The following ERCC6L variants were observed in gnomAD, a reference collection of about 807,000 sequenced individuals.
The protein encoded by ERCC6L is ERCC excision repair 6 like, spindle assembly checkpoint helicase.
In ERCC6L, 7 loss-of-function variants were observed where a neutral mutation model predicts 20.1. That is an observed-to-expected ratio of 0.35 (90% CI 0.20 to 0.65). The LOEUF is 0.65. Among genes scored for constraint, ERCC6L ranks in the 30% least tolerant of loss-of-function variants. ERCC6L has a pLI of 0.69. For missense variants in ERCC6L, 592 were observed against 892.4 expected (o/e 0.66, Z 4.29); for synonymous variants, 278 against 331.3 (o/e 0.84, Z 1.75).
chrX:72,210,192 T>TCC (rs397746756), intron 1 of ERCC6L, among the ~76,000 whole-genome samples: 1 of 94,284 alleles, frequency 1.1e-5, no homozygotes, highest in African/African-American at 4.0e-5. Flanking sequence ...ATAGCGAGAC[T>TCC]GTCTCTTAAA....
At chrX:72,236,678 G>A (rs2043019101) in intron 1 of ERCC6L, among the ~76,000 whole-genome samples, 2 of 111,987 alleles carry the variant, frequency 1.8e-5, no homozygotes, top group Non-Finnish European at 3.8e-5. Context: ...CTCAGTTAAC[G>A]TGGTCAGTAG....
intron 1 of ERCC6L, among the ~76,000 whole-genome samples, chrX:72,219,522 C>T (rs2042909114): frequency 9.2e-6 from 1 of 108,895 alleles, no homozygotes. Flanking sequence ...CCATTGCACT[C>T]CAGCCTGGAC....
chrX:72,215,191 T>C (rs775198293), intron 1 of ERCC6L, among the ~76,000 whole-genome samples: 11 of 111,712 alleles, frequency 9.8e-5, no homozygotes, highest in Admixed American at 8.6e-4. Context: ...AACTAACATA[T>C]GGTGGAAAAC....
Position 72,238,860 on chromosome X carries a change from C to T in ERCC6L, c.52G>A (p.Ala18Thr), listed in dbSNP as rs764754545. The change falls in exon 1 of 2, where the codon GCT becomes ACT. Residue 18 changes from alanine to threonine, a missense_variant. Ala to Thr is a moderately conservative substitution (Grantham distance 58). Around this residue, in one of 3 missense-constraint regions of ERCC6L, gnomAD observed 44 missense variants for 49.8 expected, o/e 0.88. Coordinates refer to ENST00000334463, the MANE Select transcript of ERCC6L (RefSeq NM_017669.4). ...CAGACATACCTTAGGTAATGAGCAG[C>T]CTGCTCTGGGCTCAAGGCCTCGGCT... ...PEAEALSPEQ[A>T]AHYLRYVKEA... The T allele has an allele frequency of 1.7e-6, 2 of 1,193,766 alleles. No individual in the cohort carries two copies. Among genetic ancestry groups the T allele is most frequent in the African/African-American group, 3.5e-5 (2 of 57,155 alleles).
chrX:72,208,836 A>G (rs938871041), intron 1 of ERCC6L, 138 bp from the exon 2 acceptor site: 8 of 506,103 alleles, frequency 1.6e-5, no homozygotes, highest in Non-Finnish European at 2.2e-5. Context: ...ATTAGCACAC[A>G]AGATGCCAAT....
rs762367329 is a variant in ERCC6L at position 72,238,824 on chromosome X, G to A, written c.68+20C>T. Reference sequence around the variant, plus strand: ...TGGGCCAGGTCGGTTAGCTAGACCCGCCCAGCGGTCCAGACATACCTTAGG... The same window carrying A: ...TGGGCCAGGTCGGTTAGCTAGACCCACCCAGCGGTCCAGACATACCTTAGG... On this transcript the variant is annotated intron_variant, in intron 1 of 1. Coordinates refer to ENST00000334463, the MANE Select transcript of ERCC6L (RefSeq NM_017669.4). 6 of 1,175,484 alleles carry A rather than the reference G, an allele frequency of 5.1e-6. 1 individual carries two copies. The Middle Eastern group carries it at 7.0e-4, about 137-fold the overall frequency.
intron 1 of ERCC6L, among the ~76,000 whole-genome samples, chrX:72,232,273 T>TA (rs56070381): frequency 1.1e-3 from 67 of 61,406 alleles, no homozygotes; most frequent in Admixed American, 1.4e-3. Flanking sequence ...GAAGGAGTAT[T>TA]AAAAAAAAAA....
rs1383127586 is a variant in ERCC6L, at chrX:72,205,768, C to T, written c.2999G>A (p.Ser1000Asn). 8.3e-6 allele frequency: 10 copies of T among 1,210,324 alleles called. No individual in the cohort carries two copies. In the Admixed American group the frequency reaches 2.2e-4, roughly 26 times the overall value. ...ATCGTCTTTCTCAGAAAACTCCCAACTGAGACATGTTTTGCTATGCACAAA... is the reference window on the plus strand; with the variant it reads ...ATCGTCTTTCTCAGAAAACTCCCAATTGAGACATGTTTTGCTATGCACAAA... ...AGFVHSKTCL[S>N]WEFSEKDDEP... The change falls in exon 2 of 2, where the codon AGT becomes AAT. Residue 1000 changes from serine to asparagine, a missense_variant. Around this residue, in one of 3 missense-constraint regions of ERCC6L, gnomAD observed 352 missense variants for 402.6 expected, o/e 0.87. Transcript: ENST00000334463.
intron 1 of ERCC6L, among the ~76,000 whole-genome samples, chrX:72,231,937 AGT>A (rs754492672): frequency 1.8e-5 from 2 of 110,913 alleles, no homozygotes; most frequent in Non-Finnish European, 3.8e-5. Context: ...AAACTGGTCA[AGT>A]GCAATGGCTC....
chrX:72,210,249 A>T (rs1198616304), intron 1 of ERCC6L, among the ~76,000 whole-genome samples: 1 of 109,686 alleles, frequency 9.1e-6, no homozygotes, highest in Admixed American at 9.8e-5. Context: ...AAATAAATGG[A>T]AAAAAGATAT....
At chrX:72,218,269 CAA>C (rs762377624) in intron 1 of ERCC6L, among the ~76,000 whole-genome samples, 5 of 61,218 alleles carry the variant, frequency 8.2e-5, no homozygotes, top group Non-Finnish European at 3.2e-5. Flanking sequence ...GACTCTGTCT[CAA>C]AAAAAAAAAA....
intron 1 of ERCC6L, among the ~76,000 whole-genome samples, chrX:72,221,213 GTT>G (rs2042921264): frequency 9.0e-6 from 1 of 111,485 alleles, no homozygotes; most frequent in Non-Finnish European, 1.9e-5. Context: ...TGTGGCTCTG[GTT>G]TAAGGGGCCC....
chrX:72,227,867 C>T (rs1025552123), intron 1 of ERCC6L, among the ~76,000 whole-genome samples: 1 of 112,571 alleles, frequency 8.9e-6, no homozygotes, highest in Non-Finnish European at 1.9e-5. Flanking sequence ...CCTTAAATAT[C>T]GGCCAGCCGT....
At chrX:72,226,823 A>G (rs147098626) in intron 1 of ERCC6L, among the ~76,000 whole-genome samples, 16 of 111,861 alleles carry the variant, frequency 1.4e-4, no homozygotes, top group Non-Finnish European at 2.8e-4. Flanking sequence ...TGCTTTGTAC[A>G]AAACAAATTA....
chrX:72,205,402 C>G lies in ERCC6L; in HGVS notation c.3365G>C (p.Gly1122Ala). The G allele has an allele frequency of 8.3e-7, 1 of 1,211,969 alleles. No individual in the cohort carries two copies. The highest frequency in any genetic ancestry group is 1.1e-6 in the Non-Finnish European group (1 of 895,549). ...ERLDDSSEAK[G>A]PEDYPEEGVE... The stretch of plus-strand genomic sequence containing the variant: ...CCCTTCTTCTGGATAATCTTCAGGA[C>G]CCTTTGCTTCACTGCTGTCGTCAAG... The change falls in exon 2 of 2, where the codon GGT becomes GCT. Residue 1122 changes from glycine (G) to alanine (A), a missense_variant. Around this residue, in one of 3 missense-constraint regions of ERCC6L, gnomAD observed 352 missense variants for 402.6 expected, o/e 0.87. Transcript: ENST00000334463.
intron 1 of ERCC6L, among the ~76,000 whole-genome samples, chrX:72,219,843 G>T (rs2042912260): frequency 1.2e-5 from 1 of 85,695 alleles, no homozygotes; most frequent in Non-Finnish European, 2.2e-5. Flanking sequence ...GTGAGACTCC[G>T]TCTCAAAAAA....
At chrX:72,221,633 T>TG (rs1306952296) in intron 1 of ERCC6L, among the ~76,000 whole-genome samples, 1 of 111,598 alleles carries the variant, frequency 9.0e-6, no homozygotes, top group East Asian at 2.8e-4. Context: ...CAACATGGTC[T>TG]GGCTGCAATA....
At chrX:72,232,818 A>C (rs1340464145) in intron 1 of ERCC6L, among the ~76,000 whole-genome samples, 1 of 111,115 alleles carries the variant, frequency 9.0e-6, no homozygotes, top group Non-Finnish European at 1.9e-5. Flanking sequence ...CTCAGAAAAG[A>C]AAATCACCAC....
At chrX:72,229,068 C>G (rs1209881121) in intron 1 of ERCC6L, among the ~76,000 whole-genome samples, 1 of 111,295 alleles carries the variant, frequency 9.0e-6, no homozygotes, top group Non-Finnish European at 1.9e-5. Flanking sequence ...CAAATTATTT[C>G]AAACCTATTA....
Sources: gnomAD v4.1 joint callset for allele counts (sites outside exome capture counted in the v4.1 genomes callset) on GRCh38, gnomAD v4.1.1 for gene constraint, gnomAD v4.1.1 regional missense constraint, MANE v1.5 for transcripts, NCBI Gene and HGNC (gene_info 2026-07-23, HGNC 2026-07-21) for gene names.